The following SHISAL1 variants were observed in gnomAD, a reference collection of about 807,000 sequenced individuals.
The protein encoded by SHISAL1 is shisa like 1.
A neutral mutation model predicts 22.6 loss-of-function variants in SHISAL1; 9 were observed. The observed-to-expected ratio is 0.40, with a 90% confidence interval of 0.24 to 0.70. The LOEUF (loss-of-function observed/expected upper bound fraction) is 0.70. SHISAL1 is among the 30% of genes least tolerant of loss of function. The pLI, the probability that SHISAL1 is intolerant of heterozygous loss-of-function variation, is 0.39. For synonymous variants in SHISAL1, 119 were observed against 115.4 expected (o/e 1.03, Z -0.20); for missense variants, 246 against 270.6 (o/e 0.91, Z 0.64).
In SHISAL1 at chr22:44,246,131, G is replaced by A. The variant is rs368091846; in HGVS notation, c.*3554C>T. On this transcript the variant is annotated 3_prime_UTR_variant, in exon 5 of 5. Coordinates refer to ENST00000381176, the MANE Select transcript of SHISAL1 (RefSeq NM_001099294.2). ...GGCTGCTTCTCTAGGTGCAGGGCACGTTCAGAGGCTAACTTGAGGGCAGCG... is the reference window on the plus strand; with the variant it reads ...GGCTGCTTCTCTAGGTGCAGGGCACATTCAGAGGCTAACTTGAGGGCAGCG... 2 of 152,228 alleles carry A rather than the reference G, an allele frequency of 1.3e-5. No homozygotes were observed. Among genetic ancestry groups the A allele is most frequent in the African/African-American group, 2.4e-5 (1 of 41,438 alleles). 9.4% of individuals were successfully genotyped at this position (152,228 alleles called of 1,614,324 possible). A position where few individuals can be genotyped will look rare whatever the true frequency, so the allele number is the denominator to read the frequency against.
intron 4 of SHISAL1, among the ~76,000 whole-genome samples, chr22:44,271,843 T>C (rs1214932971): frequency 5.3e-5 from 8 of 152,182 alleles, no homozygotes; most frequent in African/African-American, 1.7e-4. Flanking sequence ...TTATGTGGAA[T>C]TCCTGTCAAA....
intron 4 of SHISAL1, among the ~76,000 whole-genome samples, chr22:44,259,775 A>AG (rs1454347953): frequency 1.3e-5 from 2 of 152,210 alleles, no homozygotes; most frequent in Non-Finnish European, 2.9e-5. Flanking sequence ...ATTTCAGCTT[A>AG]GGGGGGCTTG....
chr22:44,314,686 G>C (rs2055546243), upstream of SHISAL1, among the ~76,000 whole-genome samples: 1 of 152,108 alleles, frequency 6.6e-6, no homozygotes, highest in Admixed American at 6.6e-5. Context: ...AGCAACTGTG[G>C]GGGAGGAAAA....
chr22:44,288,159 A>T (rs9614421), intron 3 of SHISAL1, among the ~76,000 whole-genome samples: 1 of 152,084 alleles, frequency 6.6e-6, no homozygotes, highest in Non-Finnish European at 1.5e-5. Context: ...CTTTTTCATC[A>T]TTGTCATCCC....
chr22:44,285,788 G>C, intron 3 of SHISAL1, 43 bp from the exon 4 acceptor site: 1 of 1,510,828 alleles, frequency 6.6e-7, no homozygotes, highest in Non-Finnish European at 9.1e-7. Context: ...GAGGGGAGCA[G>C]TCCAGCTCAG....
chr22:44,329,361 G>A, the SHISAL1 span, among the ~76,000 whole-genome samples: 4 of 151,964 alleles, frequency 2.6e-5, no homozygotes, highest in Admixed American at 2.6e-4. Context: ...AGCAGCACTG[G>A]CCCTGCCCCC....
At chr22:44,324,284 C>T in the SHISAL1 span, among the ~76,000 whole-genome samples, 1 of 152,336 alleles carries the variant, frequency 6.6e-6, no homozygotes, top group African/African-American at 2.4e-5. Flanking sequence ...AGAACCCAGG[C>T]TCCAAAGCTG....
intron 4 of SHISAL1, among the ~76,000 whole-genome samples, chr22:44,269,999 T>C (rs2055195647): frequency 6.6e-6 from 1 of 152,200 alleles, no homozygotes; most frequent in African/African-American, 2.4e-5. Context: ...TTGTGGGTCC[T>C]GCCTGCACTA....
chr22:44,284,154 TATTA>T (rs983388404), intron 4 of SHISAL1, among the ~76,000 whole-genome samples: 7 of 152,116 alleles, frequency 4.6e-5, no homozygotes, highest in African/African-American at 1.7e-4. Context: ...TTATGCATCT[TATTA>T]ATTATTTAAT....
chr22:44,329,676 C>T, the SHISAL1 span, among the ~76,000 whole-genome samples: 1 of 152,202 alleles, frequency 6.6e-6, no homozygotes, highest in East Asian at 1.9e-4. Context: ...AGAACAGGCA[C>T]AGCAGACAGC....
At chr22:44,315,460 A>T (rs892865078), upstream of SHISAL1, among the ~76,000 whole-genome samples, 5 of 152,024 alleles carry the variant, frequency 3.3e-5, no homozygotes, top group Admixed American at 3.3e-4. Flanking sequence ...GAACTGTCCA[A>T]TTCCAGTAGG....
rs116911541 is a variant in SHISAL1, at chr22:44,260,403, G to A, written c.*-10718C>T. Among the ~76,000 whole-genome samples the A allele has an allele frequency of 7.9e-3, 1,200 of 152,328 alleles. 10 individuals carry two copies. The highest frequency in any genetic ancestry group is 0.014 in the Non-Finnish European group (920 of 68,040). On this transcript the variant is annotated intron_variant, in intron 4 of 4. Coordinates refer to ENST00000381176, the MANE Select transcript of SHISAL1 (RefSeq NM_001099294.2). ...TGACATGGACTCATTCTCAGCCCAG[G>A]ACCTGGTGACAATTCAGTCTCTGGC... is the stretch of plus-strand genomic sequence containing the variant.
Position 44,296,863 on chromosome 22 carries a change from G to A in SHISAL1, c.90C>T (p.Val30=). The A allele has an allele frequency of 6.2e-7, 1 of 1,612,680 alleles. No homozygotes were observed. ...CTTTGTGGTCTGTGTATGGTTCACA[G>A]ACCCGGAAATGTGCAGACAAGACTG... is the stretch of plus-strand genomic sequence containing the variant. ...FSAVLSAHFR[V]CEPYTDHKGR... The change falls in exon 3 of 5, where the codon GTC becomes GTT. Residue 30 remains valine (V), a synonymous_variant. Transcript: ENST00000381176.
At chr22:44,271,950 G>A (rs1022395853) in intron 4 of SHISAL1, among the ~76,000 whole-genome samples, 2 of 152,192 alleles carry the variant, frequency 1.3e-5, no homozygotes, top group Admixed American at 6.5e-5. Context: ...AATTACTCAC[G>A]CAAGCTGGCA....
At chr22:44,298,658 C>T (rs1014629844) in intron 2 of SHISAL1, among the ~76,000 whole-genome samples, 1 of 152,210 alleles carries the variant, frequency 6.6e-6, no homozygotes, top group African/African-American at 2.4e-5. Flanking sequence ...GCCCGTGAGG[C>T]TACCACAGGA....
At chr22:44,293,071 C>T (rs12159152) in intron 3 of SHISAL1, among the ~76,000 whole-genome samples, 2 of 152,220 alleles carry the variant, frequency 1.3e-5, no homozygotes, top group Non-Finnish European at 2.9e-5. Flanking sequence ...TTATTCCCCG[C>T]TTCCCCTTGC....
At chr22:44,284,398 G>C (rs1015001132) in intron 4 of SHISAL1, among the ~76,000 whole-genome samples, 4 of 152,114 alleles carry the variant, frequency 2.6e-5, no homozygotes, top group Non-Finnish European at 4.4e-5. Flanking sequence ...GTAAATGGCA[G>C]AGCCGGGACT....
chr22:44,286,752 T>C (rs2055318629), intron 3 of SHISAL1, among the ~76,000 whole-genome samples: 2 of 151,972 alleles, frequency 1.3e-5, no homozygotes, highest in African/African-American at 4.8e-5. Context: ...GGTCCAAGTC[T>C]CCCCGACCTG....
chr22:44,331,498 G>C, the SHISAL1 span, among the ~76,000 whole-genome samples: 1 of 150,156 alleles, frequency 6.7e-6, no homozygotes, highest in Non-Finnish European at 1.5e-5. The surrounding 1 kb of genome is among the most constrained non-coding windows in gnomAD (Gnocchi z 5.2). Flanking sequence ...AGCTCACCTC[G>C]TGCCCGCCGC....
Sources: allele counts gnomAD v4.1 joint callset (sites outside exome capture counted in the v4.1 genomes callset), GRCh38; gene constraint gnomAD v4.1.1; non-coding constraint Gnocchi (gnomAD v3.1); transcripts MANE v1.5; gene names NCBI Gene and HGNC (gene_info 2026-07-23, HGNC 2026-07-21).